CEP112: variants seen among roughly 807,000 people sequenced by gnomAD.
The protein encoded by CEP112 is centrosomal protein 112.
CEP112 carries 127 observed loss-of-function variants against 153.0 expected under a neutral mutation model. That is an observed-to-expected ratio of 0.83 (90% confidence interval 0.72 to 0.96). The LOEUF is 0.96. CEP112 is among the 40% of genes least tolerant of loss of function. The pLI is 0.00. For synonymous variants in CEP112, 358 were observed against 374.4 expected (o/e 0.96, Z 0.51); for missense variants, 1,089 against 1,101.2 (o/e 0.99, Z 0.16).
chr17:65,832,738 G>A (rs2057137737), intron 21 of CEP112, among the ~76,000 whole-genome samples: 1 of 151,956 alleles, frequency 6.6e-6, no homozygotes, highest in South Asian at 2.1e-4. Flanking sequence ...AAAACTCCAG[G>A]GCCTGATGGA....
chr17:66,019,697 T>C (rs1340777417), intron 16 of CEP112, among the ~76,000 whole-genome samples: 1 of 152,222 alleles, frequency 6.6e-6, no homozygotes, highest in African/African-American at 2.4e-5. Flanking sequence ...CAAGTAACGT[T>C]ATTAAAAAGC....
At chr17:66,091,509 A>T (rs1227031671) in intron 8 of CEP112, among the ~76,000 whole-genome samples, 1 of 152,164 alleles carries the variant, frequency 6.6e-6, no homozygotes, top group East Asian at 1.9e-4. Flanking sequence ...ATAAAAACAC[A>T]ACATACAAAA....
rs543420424 is a variant in CEP112 at position 65,795,632 on chromosome 17, CA to C, written c.2395-44909del. Among the ~76,000 whole-genome samples the C allele has an allele frequency of 4.6e-5, 7 of 152,034 alleles. No homozygotes were observed. In the South Asian group the frequency reaches 1.5e-3, roughly 32 times the overall value. On this transcript the variant is annotated intron_variant, in intron 21 of 26. Coordinates refer to ENST00000535342, the MANE Select transcript of CEP112 (RefSeq NM_001199165.4). The stretch of plus-strand genomic sequence containing the variant: ...TTCAAGACCAGCCTGGCCAACATGG[CA>C]AAACCTCTTCCCTACCAAAAGTACA...
chr17:65,715,011 G>A (rs555305112), intron 23 of CEP112, among the ~76,000 whole-genome samples: 17 of 152,224 alleles, frequency 1.1e-4, no homozygotes, highest in Middle Eastern at 6.8e-3. Flanking sequence ...GAAGGAGCAA[G>A]GAGACCCAGG....
Position 66,031,473 on chromosome 17 carries a change from GT to G in CEP112, c.1219-1451del, listed in dbSNP as rs373101324. On this transcript the variant is annotated intron_variant, in intron 12 of 26. Transcript: ENST00000535342. ...CAACTGAAAAACCCAGTTTTGTTTT[GT>G]TTTTTTTTTTTGTTTTTTTTTTTTT... Among the ~76,000 whole-genome samples, 423 of 120,004 alleles carry G rather than the reference GT, an allele frequency of 3.5e-3. 3 individuals are homozygous for G. The highest frequency in any genetic ancestry group is 9.8e-3 in the Admixed American group (99 of 10,152). The allele number at this position is 120,004 out of a possible 152,430, so 78.7% of individuals were successfully genotyped here. A position where few individuals can be genotyped will look rare whatever the true frequency, so the allele number is the denominator to read the frequency against.
At chr17:65,721,464 T>C (rs368837018) in intron 23 of CEP112, among the ~76,000 whole-genome samples, 10 of 152,208 alleles carry the variant, frequency 6.6e-5, no homozygotes, top group African/African-American at 2.4e-4. Flanking sequence ...TTACTTAAAG[T>C]AGCACAGAGC....
At chr17:65,834,111 T>TA (rs1395053483) in intron 21 of CEP112, among the ~76,000 whole-genome samples, 1 of 152,192 alleles carries the variant, frequency 6.6e-6, no homozygotes, top group African/African-American at 2.4e-5. Context: ...AAAGACTCCC[T>TA]ATTCAATGAA....
chr17:65,937,552 G>C (rs1264083618), intron 18 of CEP112, among the ~76,000 whole-genome samples: 5 of 91,468 alleles, frequency 5.5e-5, no homozygotes, highest in Admixed American at 1.3e-4. Flanking sequence ...CAGCCGCCCC[G>C]TCCGGGAGGG....
At chr17:66,084,587 C>T (rs2146198469) in intron 8 of CEP112, among the ~76,000 whole-genome samples, 1 of 152,066 alleles carries the variant, frequency 6.6e-6, no homozygotes, top group African/African-American at 2.4e-5. Flanking sequence ...TATGTTCTCA[C>T]TTATTTGTGG....
intron 18 of CEP112, among the ~76,000 whole-genome samples, chr17:65,958,728 C>T (rs1599146077): frequency 1.3e-5 from 2 of 152,260 alleles, no homozygotes; most frequent in East Asian, 3.9e-4. Flanking sequence ...CAGCAGGGGG[C>T]AGACAGACTC....
chr17:65,852,020 C>T lies in CEP112; in HGVS notation c.2178G>A (p.Met726Ile), dbSNP rs113286836. Residue 726 changes from methionine (M) to isoleucine (I), a missense_variant, in exon 21 of 27, where the codon ATG becomes ATA. Met to Ile is a conservative substitution (Grantham distance 10, BLOSUM62 1). Coordinates refer to ENST00000535342, the MANE Select transcript of CEP112 (RefSeq NM_001199165.4). ...KKRDAQVIAD[M>I]EAQVHKLREE... ...CTCTCAACTTGTGAACCTGGGCCTC[C>T]ATGTCGGCAATAACCTTGTTTTTAA... 6.2e-6 allele frequency: 10 copies of T among 1,608,502 alleles called. No individual in the cohort carries two copies. The African/African-American group carries it at 1.2e-4, about 19-fold the overall frequency.
intron 17 of CEP112, among the ~76,000 whole-genome samples, chr17:65,989,000 A>T (rs1193920832): frequency 1.3e-5 from 2 of 151,988 alleles, no homozygotes; most frequent in Non-Finnish European, 2.9e-5. Context: ...TGAGGCGGGC[A>T]GATCACCAGG....
At chr17:65,870,064 A>AGAAAGAAAG (rs2058612416) in intron 20 of CEP112, among the ~76,000 whole-genome samples, 1 of 83,240 alleles carries the variant, frequency 1.2e-5, no homozygotes, top group South Asian at 3.8e-4. Context: ...AAAGAAAGAA[A>AGAAAGAAAG]GAAAGAAAGA....
intron 11 of CEP112, among the ~76,000 whole-genome samples, chr17:66,059,882 A>C (rs560410107): frequency 4.6e-5 from 7 of 152,326 alleles, no homozygotes; most frequent in African/African-American, 1.7e-4. Flanking sequence ...AACAGCAAAG[A>C]CATGGAATCA....
intron 17 of CEP112, 66 bp from the exon 18 acceptor site, chr17:65,961,664 T>G: frequency 7.3e-7 from 1 of 1,368,864 alleles, no homozygotes; most frequent in Non-Finnish European, 9.9e-7. Flanking sequence ...GAAAGAACAA[T>G]ATTTAACCCC....
Position 65,912,625 on chromosome 17 carries a change from G to C in CEP112, c.1981-10291C>G, listed in dbSNP as rs188158738. On this transcript the variant is annotated intron_variant, in intron 19 of 26. Transcript: ENST00000535342. ...GTTCTGCCATGGCTGAAGTAGCATG[G>C]AAGTAAGTGGCAGAAAAACTACTGC... Among the ~76,000 whole-genome samples the C allele has an allele frequency of 4.6e-3, 699 of 152,308 alleles. 7 individuals carry two copies. Among genetic ancestry groups the C allele is most frequent in the African/African-American group, 0.016 (666 of 41,562 alleles).
chr17:66,164,875 T>C lies in CEP112; in HGVS notation c.470+10169A>G, dbSNP rs569526503. On this transcript the variant is annotated intron_variant, in intron 4 of 26. Coordinates refer to ENST00000535342, the MANE Select transcript of CEP112 (RefSeq NM_001199165.4). Reference sequence around the variant, plus strand: ...ATCTCAAAAAAAATATATATATATATACACACATATATGTGTGTGTGTGTG... The same window carrying C: ...ATCTCAAAAAAAATATATATATATACACACACATATATGTGTGTGTGTGTG... 2.1e-3 allele frequency among the ~76,000 whole-genome samples: 288 copies of C among 134,384 alleles called. 3 individuals carry two copies. The highest frequency in any genetic ancestry group is 0.018 in the South Asian group (67 of 3,762). The allele number at this position is 134,384 out of a possible 152,430, so 88.2% of individuals were successfully genotyped here.
chr17:66,176,868 G>T lies in CEP112; in HGVS notation c.259C>A (p.Pro87Thr). The T allele has an allele frequency of 6.2e-7, 1 of 1,613,342 alleles. No individual in the cohort carries two copies. Among genetic ancestry groups the T allele is most frequent in the African/African-American group, 1.3e-5 (1 of 74,914 alleles). Residue 87 changes from proline to threonine, a missense_variant, in exon 3 of 27, where the codon CCT becomes ACT. Coordinates refer to ENST00000535342, the MANE Select transcript of CEP112 (RefSeq NM_001199165.4). ...AGAATTTTTAGTGTCCCGGGTTCAGGTCGGTGTGTAAAAGGGCCTTCAAGC... is the reference window on the plus strand; with the variant it reads ...AGAATTTTTAGTGTCCCGGGTTCAGTTCGGTGTGTAAAAGGGCCTTCAAGC... The part of the protein sequence containing the change: ...GALEGPFTHR[P>T]EPGTLKILPS...
chr17:66,027,666 T>C (rs2065273891), intron 15 of CEP112, 106 bp from the exon 16 acceptor site: 1 of 824,040 alleles, frequency 1.2e-6, no homozygotes. Context: ...CAAACTTCAG[T>C]TCAGAGTTTT....
Sources: allele counts gnomAD v4.1 joint callset (sites outside exome capture counted in the v4.1 genomes callset), GRCh38; gene constraint gnomAD v4.1.1; transcripts MANE v1.5; gene names NCBI Gene and HGNC (gene_info 2026-07-23, HGNC 2026-07-21).